ARHGAP23: variants seen among roughly 807,000 people sequenced by gnomAD.
The protein encoded by ARHGAP23 is Rho GTPase activating protein 23.
A neutral mutation model predicts 136.3 loss-of-function variants in ARHGAP23; 34 were observed. That is an observed-to-expected ratio of 0.25 (90% CI 0.19 to 0.33). The LOEUF (loss-of-function observed/expected upper bound fraction) is 0.33, where lower values mean the gene tolerates loss of function less well. Among genes scored for constraint, ARHGAP23 ranks in the 10% least tolerant of loss-of-function variants. ARHGAP23 has a pLI of 1.00. For missense variants in ARHGAP23, 1,808 were observed against 2,139.0 expected (o/e 0.85, Z 3.05); for synonymous variants, 832 against 920.5 (o/e 0.90, Z 1.74).
At chr17:38,434,945 C>T (rs1366874309) in intron 1 of ARHGAP23, among the ~76,000 whole-genome samples, 2 of 152,198 alleles carry the variant, frequency 1.3e-5, no homozygotes, top group African/African-American at 4.8e-5. Flanking sequence ...CCCCCACCTC[C>T]CGCATAGAGT....
chr17:38,443,105 G>T (rs2038955101), intron 1 of ARHGAP23, among the ~76,000 whole-genome samples: 1 of 152,216 alleles, frequency 6.6e-6, no homozygotes, highest in African/African-American at 2.4e-5. Flanking sequence ...GCCAGAAAAG[G>T]GCCAGGGCCA....
chr17:38,479,732 C>CT, intron 13 of ARHGAP23, 21 bp from the exon 14 acceptor site: 1 of 1,467,208 alleles, frequency 6.8e-7, no homozygotes, highest in Non-Finnish European at 9.0e-7. Flanking sequence ...GACCTCTCCT[C>CT]TCCCCCTTTT....
intron 1 of ARHGAP23, among the ~76,000 whole-genome samples, chr17:38,433,937 C>G (rs952674261): frequency 6.6e-6 from 1 of 152,048 alleles, no homozygotes; most frequent in South Asian, 2.1e-4. Flanking sequence ...GCCTCAGTCT[C>G]CTGGGCTGCT....
chr17:38,454,466 C>T (rs1013674392), intron 1 of ARHGAP23, among the ~76,000 whole-genome samples: 6 of 152,102 alleles, frequency 3.9e-5, no homozygotes, highest in African/African-American at 1.4e-4. Context: ...TCTAGGAATC[C>T]CAGAGGGTAT....
chr17:38,428,398 G>C, upstream of ARHGAP23: 1 of 533,690 alleles, frequency 1.9e-6, no homozygotes, highest in Non-Finnish European at 2.7e-6. Context: ...CCCACACCGC[G>C]CTCGGCCCCG....
chr17:38,446,835 T>C (rs1018973154), intron 1 of ARHGAP23, among the ~76,000 whole-genome samples: 4 of 152,058 alleles, frequency 2.6e-5, no homozygotes, highest in African/African-American at 7.2e-5. Context: ...AGAGGGAGTC[T>C]TCCTCTGTGG....
intron 6 of ARHGAP23, 26 bp from the exon 7 acceptor site, chr17:38,466,141 T>C: frequency 6.9e-7 from 1 of 1,455,176 alleles, no homozygotes; most frequent in Non-Finnish European, 9.1e-7. Flanking sequence ...CTGGCCCTGC[T>C]TACCTGTCTC....
intron 1 of ARHGAP23, among the ~76,000 whole-genome samples, chr17:38,439,855 A>G (rs917835463): frequency 6.6e-6 from 1 of 150,920 alleles, no homozygotes; most frequent in Non-Finnish European, 1.5e-5. Flanking sequence ...GCTCACTTCA[A>G]CCTCCAACTC....
At chr17:38,441,454 C>A (rs1436593339) in intron 1 of ARHGAP23, among the ~76,000 whole-genome samples, 1 of 152,158 alleles carries the variant, frequency 6.6e-6, no homozygotes, top group Non-Finnish European at 1.5e-5. Context: ...CTTCCCCCAC[C>A]TTCTTCCTCT....
rs2039681773 is a variant in ARHGAP23, at chr17:38,469,140, A to G, written c.1649-4A>G. On this transcript the variant is annotated splice_polypyrimidine_tract_variant and splice_region_variant and intron_variant, in intron 7 of 23. Transcript: ENST00000622683. ...TTCACACCTTTCTCCTTCCACATGC[A>G]TAGATGAGCCCACCAGCCCCAGCAT... The G allele has an allele frequency of 1.9e-6, 3 of 1,547,704 alleles. No individual in the cohort carries two copies. The highest frequency in any genetic ancestry group is 8.7e-7 in the Non-Finnish European group (1 of 1,144,870).
intron 1 of ARHGAP23, among the ~76,000 whole-genome samples, chr17:38,453,458 T>TGC (rs1206866900): frequency 5.8e-4 from 72 of 124,098 alleles, no homozygotes; most frequent in Non-Finnish European, 9.0e-4. Flanking sequence ...TGTGTGTGTG[T>TGC]GTGCGCGCGC....
intron 10 of ARHGAP23, among the ~76,000 whole-genome samples, chr17:38,470,698 G>C (rs1421955562): frequency 1.3e-5 from 2 of 151,914 alleles, no homozygotes; most frequent in Non-Finnish European, 2.9e-5. Flanking sequence ...CACCACGCCT[G>C]GGTAATTTTT....
At chr17:38,448,858 C>CTTT (rs1241989813) in intron 1 of ARHGAP23, among the ~76,000 whole-genome samples, 13 of 124,226 alleles carry the variant, frequency 1.0e-4, no homozygotes, top group South Asian at 7.3e-4. Flanking sequence ...GTTGCCCAGC[C>CTTT]TTTTTTTTTT....
At chr17:38,460,013 C>T (rs1445646286) in intron 2 of ARHGAP23, among the ~76,000 whole-genome samples, 3 of 152,144 alleles carry the variant, frequency 2.0e-5, no homozygotes, top group African/African-American at 7.2e-5. Flanking sequence ...CCATACCCTG[C>T]GAGCTATACA....
chr17:38,453,782 C>T (rs1254220833), intron 1 of ARHGAP23: 2 of 145,294 alleles, frequency 1.4e-5, no homozygotes, highest in Non-Finnish European at 3.1e-5. Context: ...GCCCCCGGGC[C>T]CCGGGCCCGC....
chr17:38,491,436 T>C lies in ARHGAP23; in HGVS notation c.3180T>C (p.Phe1060=). ...KMEPRNLALV[F]GPTLVRTSED... Reference sequence around the variant, plus strand: ...AACCCCGGAACCTGGCCCTGGTCTTTGGGCCGACACTGGTGAGGACGTCTG... The same window carrying C: ...AACCCCGGAACCTGGCCCTGGTCTTCGGGCCGACACTGGTGAGGACGTCTG... Residue 1060 remains phenylalanine, a synonymous_variant, in exon 20 of 24, where the codon TTT becomes TTC. Transcript: ENST00000622683. 5 of 1,549,672 alleles carry C rather than the reference T, an allele frequency of 3.2e-6. No homozygotes were observed. Among genetic ancestry groups the C allele is most frequent in the Non-Finnish European group, 4.4e-6 (5 of 1,146,838 alleles).
intron 1 of ARHGAP23, among the ~76,000 whole-genome samples, chr17:38,456,996 C>T (rs1297262097): frequency 6.6e-6 from 1 of 152,148 alleles, no homozygotes; most frequent in Non-Finnish European, 1.5e-5. Context: ...TGCAACTTCT[C>T]CCTCCTGGGT....
intron 2 of ARHGAP23, among the ~76,000 whole-genome samples, chr17:38,458,846 T>C (rs1028218945): frequency 1.3e-5 from 2 of 152,214 alleles, no homozygotes; most frequent in African/African-American, 4.8e-5. Context: ...AATTTGGGGC[T>C]GCCTCCCCAT....
intron 3 of ARHGAP23, among the ~76,000 whole-genome samples, chr17:38,461,709 C>T (rs2039464397): frequency 1.9e-5 from 1 of 52,838 alleles, no homozygotes; most frequent in South Asian, 1.2e-3. Context: ...GCTTGGAGTC[C>T]CTTGAGCCTG....
Sources: allele counts gnomAD v4.1 joint callset (sites outside exome capture counted in the v4.1 genomes callset), GRCh38; gene constraint gnomAD v4.1.1; transcripts MANE v1.5; gene names NCBI Gene and HGNC (gene_info 2026-07-23, HGNC 2026-07-21).